The following ATCAY variants were observed in gnomAD, a reference collection of about 807,000 sequenced individuals.
ATCAY encodes the protein caytaxin.
A neutral mutation model predicts 47.7 loss-of-function variants in ATCAY; 22 were observed. That is an observed-to-expected ratio of 0.46 (90% CI 0.33 to 0.66). The LOEUF (loss-of-function observed/expected upper bound fraction) is 0.66, where lower values mean the gene tolerates loss of function less well. Among genes scored for constraint, ATCAY ranks in the 30% least tolerant of loss-of-function variants. The pLI is 0.02. For synonymous variants in ATCAY, 216 were observed against 207.6 expected (o/e 1.04, Z -0.35); for missense variants, 452 against 515.0 (o/e 0.88, Z 1.18).
chr19:3,895,794 C>A (rs1450350756), intron 2 of ATCAY, among the ~76,000 whole-genome samples: 1 of 149,068 alleles, frequency 6.7e-6, no homozygotes, highest in Non-Finnish European at 1.5e-5. Flanking sequence ...CAGCTCACTG[C>A]AGCCTCAAAC....
intron 3 of ATCAY, among the ~76,000 whole-genome samples, chr19:3,905,106 G>A (rs1329229800): frequency 5.9e-5 from 9 of 152,192 alleles, no homozygotes; most frequent in African/African-American, 1.4e-4. Flanking sequence ...TGATCTGCCC[G>A]CCTCGGCCTC....
intron 10 of ATCAY, among the ~76,000 whole-genome samples, chr19:3,918,561 A>AC (rs1568453388): frequency 1.3e-5 from 2 of 150,028 alleles, no homozygotes; most frequent in Non-Finnish European, 3.0e-5. Flanking sequence ...TCTCAAAAAA[A>AC]AAAACAAAAA....
At chr19:3,888,151 G>A (rs577768022) in intron 2 of ATCAY, among the ~76,000 whole-genome samples, 26 of 151,528 alleles carry the variant, frequency 1.7e-4, no homozygotes, top group Non-Finnish European at 2.8e-4. Flanking sequence ...GAAGCTGTGC[G>A]AATTTGCTGT....
At chr19:3,894,651 A>G (rs1299837568) in intron 2 of ATCAY, among the ~76,000 whole-genome samples, 4 of 147,076 alleles carry the variant, frequency 2.7e-5, no homozygotes, top group Non-Finnish European at 6.0e-5. Context: ...AAAAAACTGT[A>G]AAAACCTGAA....
chr19:3,902,509 G>A lies in ATCAY; in HGVS notation c.100G>A (p.Val34Met). The change falls in exon 3 of 13, where the codon GTG (valine) becomes ATG (methionine). Residue 34 changes from valine to methionine, a missense_variant. By Grantham distance (21) the Val-to-Met change is conservative (BLOSUM62 1). Transcript: ENST00000450849. Reference protein sequence around the residue: ...LPRPLPEETGVELLGSPVEDT... With the variant: ...LPRPLPEETGMELLGSPVEDT... ...CAGGCCACTCCCAGAAGAGACGGGG[G>A]TGGAACTGCTTGGCAGCCCGGTGGA... is the stretch of plus-strand genomic sequence containing the variant. 2 of 1,580,912 alleles carry A rather than the reference G, an allele frequency of 1.3e-6. No individual in the cohort carries two copies. Among genetic ancestry groups the A allele is most frequent in the Non-Finnish European group, 8.6e-7 (1 of 1,163,486 alleles).
At chr19:3,900,879 CA>C (rs1193214538) in intron 2 of ATCAY, among the ~76,000 whole-genome samples, 1 of 145,146 alleles carries the variant, frequency 6.9e-6, no homozygotes, top group Non-Finnish European at 1.5e-5. Context: ...ACAGCCTACA[CA>C]GAGTTATCCT....
At chr19:3,898,960 G>A (rs377022199) in intron 2 of ATCAY, among the ~76,000 whole-genome samples, 3 of 152,026 alleles carry the variant, frequency 2.0e-5, no homozygotes, top group South Asian at 4.1e-4. Context: ...GATGACAGGC[G>A]TGAGCCACCG....
At chr19:3,894,483 CAAA>C (rs35274604) in intron 2 of ATCAY, among the ~76,000 whole-genome samples, 1 of 60,848 alleles carries the variant, frequency 1.6e-5, no homozygotes, top group African/African-American at 5.8e-5. Flanking sequence ...GACTCCGTCT[CAAA>C]AAAAAAAAAA....
At chr19:3,912,905 A>C (rs7508194) in intron 8 of ATCAY, among the ~76,000 whole-genome samples, 86,579 of 149,910 alleles carry the variant, frequency 0.58, 26,131 homozygotes, top group East Asian at 0.93. Context: ...AATACCATGA[A>C]GTGCTGGTGA....
intron 1 of ATCAY, among the ~76,000 whole-genome samples, chr19:3,883,102 C>T (rs969058906): frequency 1.3e-5 from 2 of 152,066 alleles, no homozygotes; most frequent in Admixed American, 6.6e-5. Context: ...GATCTAGTGG[C>T]CCGGCAGGGT....
intron 2 of ATCAY, among the ~76,000 whole-genome samples, chr19:3,900,466 C>A (rs892652879): frequency 6.6e-6 from 1 of 152,070 alleles, no homozygotes; most frequent in African/African-American, 2.4e-5. Context: ...ATTTAGTTAT[C>A]ACATCTCCTG....
chr19:3,907,874 G>A lies in ATCAY; in HGVS notation c.499G>A (p.Asp167Asn), dbSNP rs765612634. ...CATCGGGGAGCAAGAGCACCGTATAGACCTGCACATGATCCGGCCTTACAT... is the reference window on the plus strand; with the variant it reads ...CATCGGGGAGCAAGAGCACCGTATAAACCTGCACATGATCCGGCCTTACAT... ...VIIGEQEHRI[D>N]LHMIRPYMKV... The change falls in exon 5 of 13, where the codon GAC becomes AAC. Residue 167 changes from aspartate (D) to asparagine (N), a missense_variant. Asp to Asn is a conservative substitution (Grantham distance 23, BLOSUM62 1). Transcript: ENST00000450849. The surrounding 1 kb of genome is among the most constrained non-coding windows in gnomAD (Gnocchi z 5.1). 3.1e-6 allele frequency: 5 copies of A among 1,613,832 alleles called. No homozygotes were observed. Among genetic ancestry groups the A allele is most frequent in the Non-Finnish European group, 4.2e-6 (5 of 1,179,844 alleles).
chr19:3,912,567 C>A (rs1341090868), intron 8 of ATCAY, among the ~76,000 whole-genome samples: 1 of 151,914 alleles, frequency 6.6e-6, no homozygotes, highest in Non-Finnish European at 1.5e-5. Flanking sequence ...GCCTTGGCCT[C>A]CCAAAGTGAA....
rs181682446 is a variant in ATCAY, at chr19:3,884,475, G to C, written c.-41-1252G>C. On this transcript the variant is annotated intron_variant, in intron 1 of 12. Transcript: ENST00000450849. ...ACATATGGCAGATAGCGATGGGTTA[G>C]AGCCTACTGGATTCTCTTTGAACTT... 6.9e-4 allele frequency among the ~76,000 whole-genome samples: 105 copies of C among 152,176 alleles called. 2 individuals carry two copies. In the South Asian group the frequency reaches 0.013, roughly 18 times the overall value.
At chr19:3,923,968 GTGGATGGATGGATGGA>G (rs58091636) in intron 12 of ATCAY, among the ~76,000 whole-genome samples, 12 of 124,840 alleles carry the variant, frequency 9.6e-5, no homozygotes, top group East Asian at 5.6e-4. Context: ...GAGTGGGTGG[GTGGATGGATGGATGGA>G]TGGATGGATG....
At chr19:3,900,895 CTTTTTTTT>C (rs59395284) in intron 2 of ATCAY, among the ~76,000 whole-genome samples, 4 of 92,250 alleles carry the variant, frequency 4.3e-5, no homozygotes, top group Admixed American at 4.3e-4. Context: ...TATCCTTCAT[CTTTTTTTT>C]TTTTTTTTTT....
At chr19:3,911,545 AT>A (rs1265338269) in intron 8 of ATCAY, among the ~76,000 whole-genome samples, 1 of 142,902 alleles carries the variant, frequency 7.0e-6, no homozygotes, top group East Asian at 2.2e-4. Flanking sequence ...AAATATATAT[AT>A]ATGTATGTAT....
chr19:3,885,248 G>A (rs565925640), intron 1 of ATCAY, among the ~76,000 whole-genome samples: 6 of 150,660 alleles, frequency 4.0e-5, no homozygotes, highest in East Asian at 3.9e-4. Context: ...GTGAAACCCC[G>A]TCTCTATTAA....
At chr19:3,882,941 T>C (rs1402079799) in intron 1 of ATCAY, among the ~76,000 whole-genome samples, 1 of 151,698 alleles carries the variant, frequency 6.6e-6, no homozygotes, top group Non-Finnish European at 1.5e-5. Context: ...ACCATTGTGC[T>C]TGGTTAGTTT....
Sources: gnomAD v4.1 joint callset for allele counts (sites outside exome capture counted in the v4.1 genomes callset) on GRCh38, gnomAD v4.1.1 for gene constraint, Gnocchi (gnomAD v3.1) non-coding constraint, MANE v1.5 for transcripts, NCBI Gene and HGNC (gene_info 2026-07-23, HGNC 2026-07-21) for gene names.